CTSS: variants seen among roughly 807,000 people sequenced by gnomAD.
CTSS encodes cathepsin S.
A neutral mutation model predicts 39.9 loss-of-function variants in CTSS; 15 were observed. That is an observed-to-expected ratio of 0.38 (90% CI 0.25 to 0.58). The LOEUF (loss-of-function observed/expected upper bound fraction) is 0.58. Among genes scored for constraint, CTSS ranks in the 20% least tolerant of loss-of-function variants. The probability of loss-of-function intolerance (pLI) is 0.70; values close to 1 mark genes in which losing one functional copy is unlikely to be tolerated. For missense variants in CTSS, 250 were observed against 398.2 expected, an observed-to-expected ratio of 0.63 and a Z score of 3.17; for synonymous variants, 126 against 138.2, an observed-to-expected ratio of 0.91 and a Z score of 0.62.
intron 7 of CTSS, among the ~76,000 whole-genome samples, chr1:150,743,610 TTA>T (rs1490578346): frequency 6.2e-5 from 6 of 97,494 alleles, no homozygotes; most frequent in Non-Finnish European, 6.6e-5. Flanking sequence ...ACATAATATA[TTA>T]TATATGTATA....
Position 150,752,021 on chromosome 1 carries a change from C to G in CTSS, c.400-13G>C. Reference sequence around the variant, plus strand: ...CACCACAAGAACCCTAAAACAGATACAAGGTCACAAACGCAAATCACAGAA... The same window carrying G: ...CACCACAAGAACCCTAAAACAGATAGAAGGTCACAAACGCAAATCACAGAA... On this transcript the variant is annotated splice_polypyrimidine_tract_variant and intron_variant, in intron 4 of 7. Transcript: ENST00000368985. 1 of 1,612,710 alleles carries G rather than the reference C, an allele frequency of 6.2e-7. No individual in the cohort carries two copies. The highest frequency in any genetic ancestry group is 8.5e-7 in the Non-Finnish European group (1 of 1,179,074).
At chr1:150,747,386 T>TGCCA (rs1652912630) in intron 7 of CTSS, among the ~76,000 whole-genome samples, 1 of 152,150 alleles carries the variant, frequency 6.6e-6, no homozygotes, top group South Asian at 2.1e-4. Flanking sequence ...GCTATTGGCA[T>TGCCA]ATAAAGGTTA....
chr1:150,734,574 A>C (rs1446248233), intron 7 of CTSS, among the ~76,000 whole-genome samples: 1 of 152,062 alleles, frequency 6.6e-6, no homozygotes, highest in African/African-American at 2.4e-5. Context: ...CTGGGAGGCA[A>C]GGCAGAGGTT....
intron 2 of CTSS, among the ~76,000 whole-genome samples, chr1:150,762,615 T>C (rs957602304): frequency 6.6e-6 from 1 of 152,114 alleles, no homozygotes; most frequent in Non-Finnish European, 1.5e-5. Context: ...GCAGAAGACC[T>C]GAATAGACAT....
intron 2 of CTSS, among the ~76,000 whole-genome samples, chr1:150,763,463 A>G (rs1196941796): frequency 6.6e-6 from 1 of 152,192 alleles, no homozygotes; most frequent in Admixed American, 6.5e-5. Context: ...ATCACAATGA[A>G]AGGATAAGTA....
intron 6 of CTSS, among the ~76,000 whole-genome samples, chr1:150,748,437 A>G (rs1461053879): frequency 6.6e-6 from 1 of 152,128 alleles, no homozygotes; most frequent in Non-Finnish European, 1.5e-5. Context: ...TTTGATAAGC[A>G]CACCACCTTT....
chr1:150,736,277 T>C (rs1021117661), intron 7 of CTSS, among the ~76,000 whole-genome samples: 3 of 152,138 alleles, frequency 2.0e-5, no homozygotes, highest in Non-Finnish European at 2.9e-5. Flanking sequence ...TTATCTTCTT[T>C]TACTAAAGAA....
chr1:150,748,524 G>A (rs1390269245), intron 6 of CTSS, among the ~76,000 whole-genome samples: 1 of 148,000 alleles, frequency 6.8e-6, no homozygotes, highest in Non-Finnish European at 1.5e-5. Flanking sequence ...AATTCTCTGT[G>A]TATACAGGCA....
intron 2 of CTSS, 101 bp downstream of exon 2, chr1:150,764,537 T>C: frequency 6.6e-7 from 1 of 1,510,800 alleles, no homozygotes; most frequent in Admixed American, 1.7e-5. Flanking sequence ...CACACCCAGC[T>C]TAAATATTTA....
rs374194772 is a variant in CTSS, at chr1:150,744,877, T to G, written c.896+2900A>C. Among the ~76,000 whole-genome samples, 16 of 151,822 alleles carry G rather than the reference T, an allele frequency of 1.1e-4. No individual in the cohort carries two copies. In the East Asian group the frequency reaches 2.7e-3, roughly 26 times the overall value. On this transcript the variant is annotated intron_variant, in intron 7 of 7. Transcript: ENST00000368985. Reference sequence around the variant, plus strand: ...TGAGTGAAGAGAAGCAGATTTGAATTTCAACACTAAAAGATATAGATGATC... The same window carrying G: ...TGAGTGAAGAGAAGCAGATTTGAATGTCAACACTAAAAGATATAGATGATC...
At chr1:150,764,817 G>C in intron 1 of CTSS, 53 bp from the exon 2 acceptor site, 2 of 1,589,980 alleles carry the variant, frequency 1.3e-6, no homozygotes, top group Non-Finnish European at 1.7e-6. Context: ...CATATGTTGT[G>C]ACCACATGTT....
intron 1 of CTSS, 57 bp from the exon 2 acceptor site, chr1:150,764,821 A>C: frequency 7.6e-6 from 12 of 1,584,144 alleles, no homozygotes; most frequent in Non-Finnish European, 1.0e-5. Flanking sequence ...TGTTGTGACC[A>C]CATGTTTTCA....
At position 150,751,805 on chromosome 1, in the gene CTSS, G is replaced by A. The variant is rs115824602; in HGVS notation, c.603C>T (p.Asp201=). 45 of 1,614,178 alleles carry A rather than the reference G, an allele frequency of 2.8e-5. No homozygotes were observed. The highest frequency in any genetic ancestry group is 6.7e-5 in the Admixed American group (4 of 60,016). Residue 201 remains aspartate (D), a synonymous_variant, in exon 5 of 8, where the codon GAC becomes GAT. Coordinates refer to ENST00000368985, the MANE Select transcript of CTSS (RefSeq NM_004079.5). The part of the protein sequence containing the change: ...YIIDNKGIDS[D]ASYPYKAMDQ... ...CCATGGCTTTGTAGGGATAGGAAGC[G>A]TCTGAGTCGATGCCCTTGTTATCAA...
intron 7 of CTSS, among the ~76,000 whole-genome samples, chr1:150,747,383 G>T (rs948653400): frequency 2.0e-5 from 3 of 152,108 alleles, no homozygotes; most frequent in African/African-American, 7.2e-5. Flanking sequence ...AAAGCTATTG[G>T]CATATAAAGG....
chr1:150,751,618 C>T (rs1653008392), intron 5 of CTSS, among the ~76,000 whole-genome samples, 163 bp downstream of exon 5: 1 of 152,158 alleles, frequency 6.6e-6, no homozygotes, highest in South Asian at 2.1e-4. Flanking sequence ...AAGAGTACTT[C>T]ATCAGAAACA....
At position 150,730,820 on chromosome 1, in the gene CTSS, CTA is replaced by C. The variant is rs1204500956; in HGVS notation, c.*2224_*2225del. The C allele has an allele frequency of 6.6e-6, 1 of 152,122 alleles. No homozygotes were observed. The highest frequency in any genetic ancestry group is 1.5e-5 in the Non-Finnish European group (1 of 68,032). 9.4% of individuals were successfully genotyped at this position (152,122 alleles called of 1,614,324 possible). A position where few individuals can be genotyped will look rare whatever the true frequency, so the allele number is the denominator to read the frequency against. On this transcript the variant is annotated 3_prime_UTR_variant, in exon 8 of 8. Transcript: ENST00000368985. ...GCATCTATTTTCATTATGCTTATCA[CTA>C]TTTCAAATTTAGGATAGCTATTAAC...
At chr1:150,746,304 G>C (rs72704613) in intron 7 of CTSS, among the ~76,000 whole-genome samples, 2,625 of 152,208 alleles carry the variant, frequency 0.017, 38 homozygotes, top group Non-Finnish European at 0.029. Context: ...AGAAACTCCA[G>C]GTATGCCCCA....
At chr1:150,733,910 C>G (rs971080436) in intron 7 of CTSS, among the ~76,000 whole-genome samples, 3 of 151,942 alleles carry the variant, frequency 2.0e-5, no homozygotes, top group Non-Finnish European at 4.4e-5. Flanking sequence ...AATCATGGGT[C>G]GGATTAGGGT....
chr1:150,759,400 A>G (rs1653204548), intron 2 of CTSS, among the ~76,000 whole-genome samples: 1 of 151,802 alleles, frequency 6.6e-6, no homozygotes, highest in African/African-American at 2.4e-5. Flanking sequence ...ACTCTCTTTC[A>G]TCTCTCTTAC....
Sources: gnomAD v4.1 joint callset for allele counts (sites outside exome capture counted in the v4.1 genomes callset) on GRCh38, gnomAD v4.1.1 for gene constraint, MANE v1.5 for transcripts, NCBI Gene and HGNC (gene_info 2026-07-23, HGNC 2026-07-21) for gene names.